Variants in SYMPK observed in about 807,000 individuals in gnomAD.
SYMPK encodes the protein symplekin scaffold protein.
In SYMPK, 49 loss-of-function variants were observed where a neutral mutation model predicts 136.4. That is an observed-to-expected ratio of 0.36 (90% CI 0.29 to 0.46). The LOEUF is 0.46. SYMPK is among the 20% of genes least tolerant of loss of function. The pLI, the probability that SYMPK is intolerant of heterozygous loss-of-function variation, is 1.00. For missense variants in SYMPK, 1,365 were observed against 1,690.0 expected (o/e 0.81, Z 3.37); for synonymous variants, 766 against 713.0 (o/e 1.07, Z -1.19).
At chr19:45,847,347 C>G (rs1350077822) in intron 7 of SYMPK, among the ~76,000 whole-genome samples, 2 of 151,754 alleles carry the variant, frequency 1.3e-5, no homozygotes, top group African/African-American at 4.8e-5. Context: ...TCTCTTGAAC[C>G]CGGAAGGCGG....
chr19:45,844,589 C>A (rs892480082), intron 7 of SYMPK, among the ~76,000 whole-genome samples: 1 of 151,882 alleles, frequency 6.6e-6, no homozygotes, highest in African/African-American at 2.4e-5. Flanking sequence ...GCAGGAGAAT[C>A]GCTTGAACCC....
Position 45,815,492 on chromosome 19 carries a change from C to G in SYMPK, c.*68G>C. On this transcript the variant is annotated 3_prime_UTR_variant, in exon 27 of 27. Coordinates refer to ENST00000245934, the MANE Select transcript of SYMPK (RefSeq NM_004819.3). Reference sequence around the variant, plus strand: ...ATTTCTTTTTAAGGCAAAGCACCCGCAGGTCAAGCCCCGCCCCGTCCCCCA... The same window carrying G: ...ATTTCTTTTTAAGGCAAAGCACCCGGAGGTCAAGCCCCGCCCCGTCCCCCA... 1 of 1,230,854 alleles carries G rather than the reference C, an allele frequency of 8.1e-7. No homozygotes were observed. The highest frequency in any genetic ancestry group is 1.1e-6 in the Non-Finnish European group (1 of 907,290). 76.2% of individuals were successfully genotyped at this position (1,230,854 alleles called of 1,614,324 possible).
In SYMPK at chr19:45,841,601, T is replaced by G. The variant is rs1397999619; in HGVS notation, c.1087+649A>C. ...AGCCACTGCGCCCAGCCTAATTCCT[T>G]ATTTTTTAAAATGAAAAAATAAATC... is the stretch of plus-strand genomic sequence containing the variant. On this transcript the variant is annotated intron_variant, in intron 9 of 26. Coordinates refer to ENST00000245934, the MANE Select transcript of SYMPK (RefSeq NM_004819.3). Among the ~76,000 whole-genome samples, 11 of 152,118 alleles carry G rather than the reference T, an allele frequency of 7.2e-5. No homozygotes were observed. The East Asian group carries it at 1.9e-3, about 27-fold the overall frequency.
intron 20 of SYMPK, 30 bp downstream of exon 20, chr19:45,823,342 G>A (rs1970954703): frequency 6.3e-7 from 1 of 1,587,998 alleles, no homozygotes; most frequent in Non-Finnish European, 8.6e-7. Context: ...GTCCCAGGTA[G>A]CAGGGACAAA....
chr19:45,848,669 G>A (rs2146337404), intron 6 of SYMPK, 81 bp downstream of exon 6: 1 of 1,583,534 alleles, frequency 6.3e-7, no homozygotes, highest in Non-Finnish European at 8.6e-7. Context: ...ATGCTCGGAT[G>A]CTGGTTTTGA....
At chr19:45,826,067 C>T (rs1246096230) in intron 17 of SYMPK, among the ~76,000 whole-genome samples, 159 bp downstream of exon 17, 1 of 152,176 alleles carries the variant, frequency 6.6e-6, no homozygotes. Flanking sequence ...GGGCCAGATG[C>T]CCCCTACCCT....
Position 45,837,192 on chromosome 19 carries a change from T to C in SYMPK, c.1242+1269A>G, listed in dbSNP as rs1029719588. 2.0e-5 allele frequency among the ~76,000 whole-genome samples: 3 copies of C among 152,178 alleles called. No homozygotes were observed. The East Asian group carries it at 5.8e-4, about 29-fold the overall frequency. ...AAATATTTTGCAAGATTGGACATAG[T>C]AGTAGCAACAGAAAAGGGGCACATT... On this transcript the variant is annotated intron_variant, in intron 10 of 26. Transcript: ENST00000245934.
chr19:45,839,180 C>T (rs1033406685), intron 9 of SYMPK, among the ~76,000 whole-genome samples: 32 of 152,148 alleles, frequency 2.1e-4, no homozygotes, highest in Admixed American at 1.6e-3. Context: ...TGAGCCACCA[C>T]GCCCAGCCTG....
intron 16 of SYMPK, among the ~76,000 whole-genome samples, chr19:45,826,956 C>T (rs1171045130): frequency 6.6e-6 from 1 of 152,218 alleles, no homozygotes; most frequent in African/African-American, 2.4e-5. Flanking sequence ...TAGAGCACAC[C>T]CAGCTACTGA....
chr19:45,842,213 C>A, intron 9 of SYMPK, 37 bp downstream of exon 9: 1 of 1,612,096 alleles, frequency 6.2e-7, no homozygotes, highest in African/African-American at 1.3e-5. Context: ...AACATTTCAG[C>A]ATGGTCTGCC....
rs1026629713 is a variant in SYMPK at position 45,821,091 on chromosome 19, C to A, written c.2893+293G>T. On this transcript the variant is annotated intron_variant, in intron 22 of 26. Coordinates refer to ENST00000245934, the MANE Select transcript of SYMPK (RefSeq NM_004819.3). This position sits in a 1 kb window ranked among gnomAD's most constrained non-coding sequence, Gnocchi z 4.4. Reference sequence around the variant, plus strand: ...TCCTCGGGGCTAGGGGTGGGGCTACCCAACTGCTTTAGGCCCACTCTGTGC... The same window carrying A: ...TCCTCGGGGCTAGGGGTGGGGCTACACAACTGCTTTAGGCCCACTCTGTGC... The A allele has an allele frequency of 3.1e-6, 2 of 651,546 alleles. No homozygotes were observed. Among genetic ancestry groups the A allele is most frequent in the South Asian group, 1.7e-5 (1 of 57,700 alleles). The allele number at this position is 651,546 out of a possible 1,614,324, so 40.4% of individuals were successfully genotyped here. A position where few individuals can be genotyped will look rare whatever the true frequency, so the allele number is the denominator to read the frequency against.
intron 1 of SYMPK, among the ~76,000 whole-genome samples, chr19:45,861,452 TAC>T (rs1355825332): frequency 7.2e-5 from 11 of 152,058 alleles, no homozygotes; most frequent in African/African-American, 2.7e-4. Context: ...AAAAAGAGCA[TAC>T]ACAGGGCCGG....
chr19:45,817,053 G>T, intron 23 of SYMPK, 79 bp from the exon 24 acceptor site: 1 of 1,418,008 alleles, frequency 7.1e-7, no homozygotes, highest in African/African-American at 1.5e-5. Context: ...GAAAGACCTT[G>T]CCAAGACCAT....
intron 8 of SYMPK, 58 bp from the exon 9 acceptor site, chr19:45,842,547 T>A (rs968364487): frequency 1.1e-5 from 17 of 1,583,962 alleles, no homozygotes; most frequent in Non-Finnish European, 1.5e-5. Flanking sequence ...ATGCTGCCAG[T>A]CTTAATTCTC....
At chr19:45,852,794 A>G (rs1261712047) in intron 3 of SYMPK, among the ~76,000 whole-genome samples, 2 of 152,144 alleles carry the variant, frequency 1.3e-5, no homozygotes, top group Non-Finnish European at 2.9e-5. Flanking sequence ...AGATCCTACA[A>G]GGCACAGGTC....
In SYMPK at chr19:45,821,179, G is replaced by A. The variant is rs537982224; in HGVS notation, c.2893+205C>T. The A allele has an allele frequency of 1.5e-4, 79 of 513,114 alleles. No homozygotes were observed. The highest frequency in any genetic ancestry group is 1.4e-3 in the Middle Eastern group (5 of 3,456). 31.8% of individuals were successfully genotyped at this position (513,114 alleles called of 1,614,324 possible). A position where few individuals can be genotyped will look rare whatever the true frequency, so the allele number is the denominator to read the frequency against. On this transcript the variant is annotated intron_variant, in intron 22 of 26. Coordinates refer to ENST00000245934, the MANE Select transcript of SYMPK (RefSeq NM_004819.3). The surrounding 1 kb of genome is among the most constrained non-coding windows in gnomAD (Gnocchi z 4.4). ...GGTTGTAAAGGGTAAAACCTGGGAG[G>A]AAGGAAGGAGGAGGGAGGGAGGGAG... is the stretch of plus-strand genomic sequence containing the variant.
chr19:45,843,632 G>A (rs1020991293), intron 8 of SYMPK, among the ~76,000 whole-genome samples: 2 of 152,024 alleles, frequency 1.3e-5, no homozygotes, highest in African/African-American at 2.4e-5. Flanking sequence ...GGTCCACCAC[G>A]GAGCTACATT....
Position 45,831,466 on chromosome 19 carries a change from G to A in SYMPK, c.1516C>T (p.Leu506=). ...TCCTCCAGGGGGGACATGGAGCTCA[G>A]GGAACCCACCACCGAGATGGCTTGG... ...QGQAISVVGS[L]SSMSPLEEEA... The change falls in exon 12 of 27, where the codon CTG becomes TTG. Residue 506 remains leucine, a synonymous_variant. Transcript: ENST00000245934. 6.3e-7 allele frequency: 1 copy of A among 1,599,992 alleles called. No homozygotes were observed. Among genetic ancestry groups the A allele is most frequent in the South Asian group, 1.1e-5 (1 of 89,212 alleles).
chr19:45,859,965 A>C (rs1971923944), intron 1 of SYMPK, among the ~76,000 whole-genome samples: 1 of 150,696 alleles, frequency 6.6e-6, no homozygotes, highest in African/African-American at 2.4e-5. Context: ...AAAAAAAAAA[A>C]AAAAAAAAAA....
Sources: allele counts gnomAD v4.1 joint callset (sites outside exome capture counted in the v4.1 genomes callset), GRCh38; gene constraint gnomAD v4.1.1; non-coding constraint Gnocchi (gnomAD v3.1); transcripts MANE v1.5; gene names NCBI Gene and HGNC (gene_info 2026-07-23, HGNC 2026-07-21).